Variants in EYS observed in about 807,000 individuals in gnomAD.
EYS encodes protein eyes shut homolog.
Under a neutral mutation model 282.1 loss-of-function variants are expected in EYS, and 250 were observed. That is an observed-to-expected ratio of 0.89 (90% CI 0.80 to 0.98). EYS has a LOEUF of 0.98. Among genes scored for constraint, EYS ranks in the 50% least tolerant of loss-of-function variants. The pLI, the probability that EYS is intolerant of heterozygous loss-of-function variation, is 0.00. For synonymous variants in EYS, 1,355 were observed against 1,282.9 expected (o/e 1.06, Z -1.20); for missense variants, 4,016 against 3,709.0 (o/e 1.08, Z -2.15).
chr6:63,763,870 T>TTTA (rs1185179091), intron 40 of EYS, among the ~76,000 whole-genome samples: 9 of 129,664 alleles, frequency 6.9e-5, no homozygotes, highest in African/African-American at 2.6e-4. Flanking sequence ...TTATATCTTG[T>TTTA]TATATATATA....
At position 65,490,645 on chromosome 6, in the gene EYS, TG is replaced by T. The variant is rs1766006410; in HGVS notation, c.810del (p.Cys270Ter). 4 of 1,612,726 alleles carry T rather than the reference TG, an allele frequency of 2.5e-6. No homozygotes were observed. Among genetic ancestry groups the T allele is most frequent in the Non-Finnish European group, 3.4e-6 (4 of 1,179,024 alleles). ...CQPHVCFHGN[C>X]SNITSNSFIC... The stretch of plus-strand genomic sequence containing the variant: ...ATGAAACTATTTGAAGTAATATTGC[TG>T]CAGTTTCCATGGAAACAGACATGTG... On this transcript the variant is annotated frameshift_variant, in exon 5 of 43. Transcript: ENST00000503581. LOFTEE classifies it high-confidence loss of function.
Position 63,840,744 on chromosome 6 carries a change from T to C in EYS, c.7228+23442A>G, listed in dbSNP as rs116445388. Reference sequence around the variant, plus strand: ...CTAAGAGAGAGGGGTCTAGTTTCATTTTTCTACATAGGGATATCCAGTTTT... The same window carrying C: ...CTAAGAGAGAGGGGTCTAGTTTCATCTTTCTACATAGGGATATCCAGTTTT... On this transcript the variant is annotated intron_variant, in intron 36 of 42. Transcript: ENST00000503581. Among the ~76,000 whole-genome samples the C allele has an allele frequency of 7.8e-4, 118 of 152,236 alleles. 1 individual carries two copies. Among genetic ancestry groups the C allele is most frequent in the African/African-American group, 2.8e-3 (115 of 41,558 alleles).
At chr6:63,745,073 G>T in intron 41 of EYS, 1 of 403,680 alleles carries the variant, frequency 2.5e-6, no homozygotes, top group Non-Finnish European at 4.8e-6. Flanking sequence ...AAAGAAAATA[G>T]AAGCTAAATA....
chr6:63,941,058 C>G (rs577300285), intron 35 of EYS, among the ~76,000 whole-genome samples: 1 of 152,128 alleles, frequency 6.6e-6, no homozygotes, highest in Non-Finnish European at 1.5e-5. Flanking sequence ...GTATATGAGC[C>G]ACATTTTCTT....
At chr6:65,535,354 G>C (rs1291579128) in intron 2 of EYS, among the ~76,000 whole-genome samples, 1 of 152,086 alleles carries the variant, frequency 6.6e-6, no homozygotes, top group African/African-American at 2.4e-5. Context: ...TGAATCATGG[G>C]GGCAGGTCTT....
chr6:64,457,333 C>G (rs1446900906), intron 26 of EYS, among the ~76,000 whole-genome samples: 2 of 151,960 alleles, frequency 1.3e-5, no homozygotes, highest in Admixed American at 1.3e-4. Flanking sequence ...AATGCATACT[C>G]TGCAGATGTT....
chr6:63,931,720 C>T (rs1334723059), intron 35 of EYS, among the ~76,000 whole-genome samples: 1 of 152,174 alleles, frequency 6.6e-6, no homozygotes, highest in African/African-American at 2.4e-5. Context: ...ATAAGGATCA[C>T]ATCAGGGTAA....
intron 19 of EYS, among the ~76,000 whole-genome samples, chr6:64,856,859 A>C (rs1379823410): frequency 6.6e-6 from 1 of 152,156 alleles, no homozygotes; most frequent in Non-Finnish European, 1.5e-5. Context: ...AACTTAGGTT[A>C]ATAAACACTA....
At chr6:65,081,943 C>G (rs746069896) in intron 12 of EYS, among the ~76,000 whole-genome samples, 1 of 152,032 alleles carries the variant, frequency 6.6e-6, no homozygotes, top group African/African-American at 2.4e-5. Context: ...ATGACTGATG[C>G]TAAGCTATCA....
chr6:65,535,085 T>C (rs952872498), intron 2 of EYS, among the ~76,000 whole-genome samples: 36 of 152,214 alleles, frequency 2.4e-4, no homozygotes, highest in Non-Finnish European at 1.6e-4. Flanking sequence ...GCTCCTCCAG[T>C]TATGGAGGCC....
chr6:65,256,162 A>C (rs1416936002), intron 12 of EYS, among the ~76,000 whole-genome samples: 1 of 152,078 alleles, frequency 6.6e-6, no homozygotes, highest in East Asian at 1.9e-4. Flanking sequence ...AGTACTATTC[A>C]GTCATAAAAA....
chr6:64,589,952 A>G (rs1766347795), intron 26 of EYS, among the ~76,000 whole-genome samples: 1 of 152,126 alleles, frequency 6.6e-6, no homozygotes, highest in Non-Finnish European at 1.5e-5. Context: ...ATCTGTCATA[A>G]TGAATTGAAC....
chr6:64,339,925 C>A (rs1771029211), intron 29 of EYS, among the ~76,000 whole-genome samples: 1 of 151,598 alleles, frequency 6.6e-6, no homozygotes, highest in African/African-American at 2.4e-5. Context: ...GCAAGGAATA[C>A]ACGACTACAA....
chr6:64,840,412 A>T (rs935730132), intron 19 of EYS, among the ~76,000 whole-genome samples: 10 of 152,130 alleles, frequency 6.6e-5, no homozygotes, highest in African/African-American at 2.4e-4. Context: ...ATCAATAATA[A>T]AAGATAGGAT....
intron 25 of EYS, among the ~76,000 whole-genome samples, chr6:64,592,545 A>G (rs1766445857): frequency 1.3e-5 from 2 of 152,262 alleles, no homozygotes; most frequent in African/African-American, 4.8e-5. Context: ...AAGGGCTACA[A>G]TTCTTACTCT....
At chr6:63,828,571 T>C (rs1257090548) in intron 36 of EYS, among the ~76,000 whole-genome samples, 1 of 152,170 alleles carries the variant, frequency 6.6e-6, no homozygotes, top group Non-Finnish European at 1.5e-5. Context: ...CTTCACAATC[T>C]ATACATCTGA....
At chr6:65,161,787 T>G (rs1764856113) in intron 12 of EYS, among the ~76,000 whole-genome samples, 1 of 151,208 alleles carries the variant, frequency 6.6e-6, no homozygotes, top group African/African-American at 2.4e-5. Flanking sequence ...ACAGAAAAAC[T>G]TGAAATACTT....
At position 65,344,046 on chromosome 6, in the gene EYS, T is replaced by G. The variant is rs1260633321; in HGVS notation, c.1591A>C (p.Thr531Pro). The change falls in exon 10 of 43, where the codon ACA (threonine) becomes CCA (proline). Residue 531 changes from threonine (T) to proline (P), a missense_variant. Thr to Pro is a conservative substitution (Grantham distance 38). Coordinates refer to ENST00000503581, the MANE Select transcript of EYS (RefSeq NM_001142800.2). The part of the protein sequence containing the change: ...NSSCWFPHEG[T>P]KEICANGCSC... ...ACATAAAATTACCTTACCTCTTTTG[T>G]GCCTTCATGTGGGAACCAACATGAA... The G allele has an allele frequency of 3.7e-6, 6 of 1,610,152 alleles. No homozygotes were observed. In the Admixed American group the frequency reaches 8.4e-5, roughly 22 times the overall value.
intron 12 of EYS, among the ~76,000 whole-genome samples, chr6:65,086,002 G>C (rs994020563): frequency 6.7e-6 from 1 of 148,802 alleles, no homozygotes; most frequent in Admixed American, 6.7e-5. Context: ...GGAGTACCTG[G>C]CTTAATGTAT....
Sources: gnomAD v4.1 joint callset for allele counts (sites outside exome capture counted in the v4.1 genomes callset) on GRCh38, gnomAD v4.1.1 for gene constraint, MANE v1.5 for transcripts, NCBI Gene and HGNC (gene_info 2026-07-23, HGNC 2026-07-21) for gene names.